SHANK2: variants seen among roughly 807,000 people sequenced by gnomAD.
The protein encoded by SHANK2 is SH3 and multiple ankyrin repeat domains 2, also known as SH3 and multiple ankyrin repeat domains protein 2.
In SHANK2, 43 loss-of-function variants were observed where a neutral mutation model predicts 133.7. The observed-to-expected ratio is 0.32, with a 90% CI of 0.25 to 0.41. The LOEUF is 0.41. SHANK2 is among the 10% of genes least tolerant of loss of function. The pLI is 1.00. For missense variants in SHANK2, 1,994 were observed against 2,235.8 expected (o/e 0.89, Z 2.18); for synonymous variants, 1,017 against 952.8 (o/e 1.07, Z -1.24).
intron 8 of SHANK2, among the ~76,000 whole-genome samples, chr11:71,081,118 TAAG>T (rs1951294486): frequency 6.6e-6 from 1 of 151,996 alleles, no homozygotes. Flanking sequence ...GGTATCCTTA[TAAG>T]AAGAGGAGCT....
chr11:70,907,157 A>C (rs545001112), intron 10 of SHANK2, among the ~76,000 whole-genome samples: 1 of 152,334 alleles, frequency 6.6e-6, no homozygotes, highest in Non-Finnish European at 1.5e-5. Context: ...CTATTGTAGG[A>C]GCAGTTCCAT....
intron 14 of SHANK2, among the ~76,000 whole-genome samples, chr11:70,751,139 A>G (rs369245516): frequency 1.3e-5 from 2 of 152,248 alleles, no homozygotes; most frequent in Non-Finnish European, 2.9e-5. Context: ...TCCAATCTGA[A>G]CAAGAGAGAA....
intron 17 of SHANK2, among the ~76,000 whole-genome samples, chr11:70,515,755 C>G (rs1354635529): frequency 6.6e-6 from 1 of 151,788 alleles, no homozygotes; most frequent in Non-Finnish European, 1.5e-5. Flanking sequence ...GAGGCTGCAG[C>G]AAGTCCTGAT....
chr11:70,745,037 C>G (rs1220140460), intron 14 of SHANK2, among the ~76,000 whole-genome samples: 1 of 152,236 alleles, frequency 6.6e-6, no homozygotes, highest in East Asian at 1.9e-4. Context: ...CACCAGGAAG[C>G]CAAGCAAACC....
chr11:71,097,959 T>C (rs1292262955), intron 6 of SHANK2, among the ~76,000 whole-genome samples: 4 of 151,478 alleles, frequency 2.6e-5, no homozygotes, highest in Non-Finnish European at 5.9e-5. Context: ...TGTCTGTGCA[T>C]GCCTGTGTGT....
intron 2 of SHANK2, among the ~76,000 whole-genome samples, chr11:71,210,275 G>GTC (rs1336326282): frequency 8.2e-6 from 1 of 121,950 alleles, no homozygotes; most frequent in Non-Finnish European, 1.7e-5. Flanking sequence ...TTGAAACAGA[G>GTC]TCTCTCTCTG....
At chr11:71,239,156 T>C (rs1954858964) in intron 1 of SHANK2, among the ~76,000 whole-genome samples, 1 of 152,218 alleles carries the variant, frequency 6.6e-6, no homozygotes, top group Admixed American at 6.5e-5. Flanking sequence ...GGAGATTAAA[T>C]GCTCCCATCC....
At chr11:70,726,173 C>T (rs1012295498) in intron 14 of SHANK2, among the ~76,000 whole-genome samples, 3 of 152,148 alleles carry the variant, frequency 2.0e-5, no homozygotes, top group Non-Finnish European at 2.9e-5. Flanking sequence ...AAATCTTACC[C>T]GGAACCTAAC....
chr11:71,232,987 A>T (rs2135774717), intron 1 of SHANK2, among the ~76,000 whole-genome samples: 1 of 152,304 alleles, frequency 6.6e-6, no homozygotes, highest in South Asian at 2.1e-4. Flanking sequence ...TCCTAGGCAT[A>T]CAACTAAAAA....
intron 1 of SHANK2, among the ~76,000 whole-genome samples, chr11:71,237,467 G>A (rs1954838653): frequency 6.6e-6 from 1 of 152,178 alleles, no homozygotes; most frequent in Non-Finnish European, 1.5e-5. Context: ...ATGAACAGGT[G>A]TTTTACCCTT....
chr11:71,096,670 A>T (rs1419851102), intron 6 of SHANK2, among the ~76,000 whole-genome samples: 1 of 152,212 alleles, frequency 6.6e-6, no homozygotes, highest in Non-Finnish European at 1.5e-5. Flanking sequence ...ACAGCGACTT[A>T]ATGAGCGTGT....
chr11:70,702,748 G>A (rs10899388), intron 14 of SHANK2, among the ~76,000 whole-genome samples: 83,960 of 152,098 alleles, frequency 0.55, 24,086 homozygotes, highest in African/African-American at 0.71. Context: ...ATATCCCAAA[G>A]TAAGCAGATT....
Position 71,186,337 on chromosome 11 carries a change from G to C in SHANK2, c.-13+38360C>G, listed in dbSNP as rs549461658. Among the ~76,000 whole-genome samples the C allele has an allele frequency of 1.2e-4, 18 of 152,300 alleles. No homozygotes were observed. In the South Asian group the frequency reaches 3.7e-3, roughly 32 times the overall value. ...GAGTGGACAAATGCCGTCTGGCATG[G>C]ACACATTGAACAGTTTGGACCCGCA... is the stretch of plus-strand genomic sequence containing the variant. On this transcript the variant is annotated intron_variant, in intron 2 of 25. Coordinates refer to ENST00000601538, the MANE Select transcript of SHANK2 (RefSeq NM_012309.5).
rs534198296 is a variant in SHANK2 at position 70,504,853 on chromosome 11, A to G, written c.2062-1922T>C. On this transcript the variant is annotated intron_variant, in intron 17 of 25. Transcript: ENST00000601538. ...CTCGCTGCTCTGGTACAGACAGGCA[A>G]CCGAACACCAGCCACGCGTTATCGG... Among the ~76,000 whole-genome samples the G allele has an allele frequency of 2.3e-4, 35 of 152,186 alleles. No individual in the cohort carries two copies. In the South Asian group the frequency reaches 7.1e-3, roughly 31 times the overall value.
rs922746107 is a variant in SHANK2, at chr11:70,820,610, A to G, written c.1247T>C (p.Val416Ala). 2.8e-6 allele frequency: 2 copies of G among 714,084 alleles called. No individual in the cohort carries two copies. Among genetic ancestry groups the G allele is most frequent in the Non-Finnish European group, 5.2e-6 (2 of 383,052 alleles). The allele number at this position is 714,084 out of a possible 1,614,324, so 44.2% of individuals were successfully genotyped here. ...RPPNTLAAPRVLLRSNSDNNL... is the reference protein window; with the variant it reads ...RPPNTLAAPRALLRSNSDNNL... ...GTTGTCACTGTTGGAGCGCAGCAGG[A>G]CCCGGGGGGCGGCCAGCGTGTTGGG... The change falls in exon 12 of 26, where the codon GTC becomes GCC. Residue 416 changes from valine (V) to alanine (A), a missense_variant. This residue lies in a region of SHANK2 where 653 missense variants were observed against 563.4 expected (regional missense o/e 1.16). Coordinates refer to ENST00000601538, the MANE Select transcript of SHANK2 (RefSeq NM_012309.5).
intron 14 of SHANK2, among the ~76,000 whole-genome samples, chr11:70,763,697 G>A (rs944558540): frequency 6.6e-6 from 1 of 152,156 alleles, no homozygotes; most frequent in African/African-American, 2.4e-5. Context: ...GATGCATAAT[G>A]GTCTGCAGCT....
chr11:71,162,582 C>T (rs148710078), intron 2 of SHANK2, among the ~76,000 whole-genome samples: 145 of 152,282 alleles, frequency 9.5e-4, no homozygotes, highest in Non-Finnish European at 1.6e-3. Context: ...AAGTAACATA[C>T]GTTGGCATGT....
chr11:70,885,788 C>T (rs1430592428), intron 11 of SHANK2, among the ~76,000 whole-genome samples: 4 of 152,150 alleles, frequency 2.6e-5, no homozygotes, highest in Non-Finnish European at 4.4e-5. Flanking sequence ...ACTCCCTGGG[C>T]GTCGGTGCTG....
In SHANK2 at chr11:71,060,355, C is replaced by T. The variant is rs1404951596; in HGVS notation, c.1030-3797G>A. Among the ~76,000 whole-genome samples, 10 of 152,314 alleles carry T rather than the reference C, an allele frequency of 6.6e-5. No individual in the cohort carries two copies. The South Asian group carries it at 1.2e-3, about 19-fold the overall frequency. ...AATGTTACTGATGATGGATATGAGT[C>T]GTGAAGAGCTGCATCCCTAGAACGG... On this transcript the variant is annotated intron_variant, in intron 9 of 25. Transcript: ENST00000601538.
Sources: gnomAD v4.1 joint callset for allele counts (sites outside exome capture counted in the v4.1 genomes callset) on GRCh38, gnomAD v4.1.1 for gene constraint, gnomAD v4.1.1 regional missense constraint, MANE v1.5 for transcripts, NCBI Gene and HGNC (gene_info 2026-07-23, HGNC 2026-07-21) for gene names.